The following OR10A2 variants were observed in gnomAD, a reference collection of about 807,000 sequenced individuals.
The protein encoded by OR10A2 is olfactory receptor 10A2.
Under a neutral mutation model 13.7 loss-of-function variants are expected in OR10A2, and 15 were observed. That is an observed-to-expected ratio of 1.10 (90% confidence interval 0.73 to 1.69). The LOEUF (loss-of-function observed/expected upper bound fraction) is 1.69. Among genes scored for constraint, OR10A2 ranks in the 40% most tolerant of loss-of-function variants. OR10A2 has a pLI of 0.00. For missense variants in OR10A2, 343 were observed against 361.1 expected (o/e 0.95, Z 0.41); for synonymous variants, 145 against 144.7 (o/e 1.00, Z -0.02).
intron 1 of OR10A2, among the ~76,000 whole-genome samples, chr11:6,869,402 A>C (rs1224056256): frequency 2.6e-5 from 4 of 152,214 alleles, no homozygotes; most frequent in Admixed American, 6.5e-5. Context: ...ACTTTCTCCC[A>C]AAATGTATCC....
chr11:6,870,103 T>C lies in OR10A2; in HGVS notation c.349T>C (p.Leu117=). The C allele has an allele frequency of 6.2e-7, 1 of 1,614,244 alleles. No homozygotes were observed. Among genetic ancestry groups the C allele is most frequent in the Non-Finnish European group, 8.5e-7 (1 of 1,180,058 alleles). The change falls in exon 2 of 2, where the codon TTG becomes CTG. Residue 117 remains leucine, a synonymous_variant. Transcript: ENST00000641461. Reference sequence around the variant, plus strand: ...CCGCTATGTGGCCATCTGCAGTCCCTTGCACTACCCAGTCATCATGAACCA... The same window carrying C: ...CCGCTATGTGGCCATCTGCAGTCCCCTGCACTACCCAGTCATCATGAACCA... ...YDRYVAICSP[L]HYPVIMNQRT...
At chr11:6,863,384 T>TC (rs1554928817) in intron 1 of OR10A2, 33 bp downstream of exon 1, 23 of 52,538 alleles carry the variant, frequency 4.4e-4, no homozygotes, top group South Asian at 1.3e-3. Context: ...TTTTTTTTTT[T>TC]CCACCAAGGA....
chr11:6,870,586 A>G lies in OR10A2; in HGVS notation c.832A>G (p.Ser278Gly). 6.2e-7 allele frequency: 1 copy of G among 1,614,016 alleles called. No individual in the cohort carries two copies. Among genetic ancestry groups the G allele is most frequent in the Non-Finnish European group, 8.5e-7 (1 of 1,179,938 alleles). ...TCCCATGTTGAACCCCATTATCTAC[A>G]GCCTGAGAAATAACGAGGTGAAGAA... ...MTPMLNPIIYSLRNNEVKNAL... is the reference protein window; with the variant it reads ...MTPMLNPIIYGLRNNEVKNAL... Residue 278 changes from serine to glycine, a missense_variant, in exon 2 of 2, where the codon AGC becomes GGC. Transcript: ENST00000641461.
chr11:6,870,693 C>T lies in OR10A2; in HGVS notation c.*27C>T. On this transcript the variant is annotated 3_prime_UTR_variant, in exon 2 of 2. Transcript: ENST00000641461. ...CCTTAGGAAGTAAGGCTACATTTTA[C>T]TGGATGAGAAACAATCAGTCCCAGA... 6.7e-7 allele frequency: 1 copy of T among 1,483,386 alleles called. No individual in the cohort carries two copies. The highest frequency in any genetic ancestry group is 9.1e-7 in the Non-Finnish European group (1 of 1,102,114). The allele number at this position is 1,483,386 out of a possible 1,614,324, so 91.9% of individuals were successfully genotyped here. A position where few individuals can be genotyped will look rare whatever the true frequency, so the allele number is the denominator to read the frequency against.
chr11:6,868,988 A>G (rs1848401845), intron 1 of OR10A2, among the ~76,000 whole-genome samples: 1 of 152,218 alleles, frequency 6.6e-6, no homozygotes, highest in African/African-American at 2.4e-5. Flanking sequence ...CTACAAATTA[A>G]TAAGTTAGTC....
chr11:6,863,836 G>C (rs1023659996), intron 1 of OR10A2, among the ~76,000 whole-genome samples: 5 of 152,158 alleles, frequency 3.3e-5, no homozygotes, highest in African/African-American at 1.2e-4. Context: ...ATTAGCAAAG[G>C]GATGTTCCTA....
rs750354176 is a variant in OR10A2, at chr11:6,869,971, C to T, written c.217C>T (p.Leu73Phe). Residue 73 changes from leucine (L) to phenylalanine (F), a missense_variant, in exon 2 of 2, where the codon CTT (leucine) becomes TTT (phenylalanine). Transcript: ENST00000641461. The part of the protein sequence containing the change: ...VIVPKMLGTL[L>F]AQDTTISFLG... ...TGTGCCCAAAATGCTGGGGACCCTG[C>T]TTGCCCAGGACACAACCATCTCCTT... is the stretch of plus-strand genomic sequence containing the variant. 1 of 1,614,172 alleles carries T rather than the reference C, an allele frequency of 6.2e-7. No homozygotes were observed. The highest frequency in any genetic ancestry group is 1.1e-5 in the South Asian group (1 of 91,078).
chr11:6,863,998 G>T (rs1223182072), intron 1 of OR10A2, among the ~76,000 whole-genome samples: 2 of 152,104 alleles, frequency 1.3e-5, no homozygotes, highest in African/African-American at 4.8e-5. Flanking sequence ...GCTATCATTA[G>T]TGTTAGTGCA....
chr11:6,866,644 T>A (rs1289624253), intron 1 of OR10A2, among the ~76,000 whole-genome samples: 1 of 152,202 alleles, frequency 6.6e-6, no homozygotes, highest in Admixed American at 6.5e-5. Context: ...TATATGCATT[T>A]CCCTAATGGT....
rs990437633 is a variant in OR10A2 at position 6,871,440 on chromosome 11, A to C, written c.*774A>C. 1 of 152,070 alleles carries C rather than the reference A, an allele frequency of 6.6e-6. No homozygotes were observed. The allele number at this position is 152,070 out of a possible 1,614,324, so 9.4% of individuals were successfully genotyped here. A position where few individuals can be genotyped will look rare whatever the true frequency, so the allele number is the denominator to read the frequency against. On this transcript the variant is annotated 3_prime_UTR_variant, in exon 2 of 2. Transcript: ENST00000641461. Reference sequence around the variant, plus strand: ...TCTTTCCCAACACATAACTCTCCTCACCATCTTACTTCATTCTCATGCCCT... The same window carrying C: ...TCTTTCCCAACACATAACTCTCCTCCCCATCTTACTTCATTCTCATGCCCT...
rs60582338 is a variant in OR10A2, at chr11:6,863,358, C to CTTTTTTTT, written c.-133+26_-133+33dup. The stretch of plus-strand genomic sequence containing the variant: ...ATGTTCCTGTTGGACACAGGTAAGC[C>CTTTTTTTT]TTTTTTTTTTTTTTTTTTTTTTTTT... On this transcript the variant is annotated splice_region_variant and intron_variant, in intron 1 of 1. Transcript: ENST00000641461. 1 of 89,290 alleles carries CTTTTTTTT rather than the reference C, an allele frequency of 1.1e-5. No homozygotes were observed. The highest frequency in any genetic ancestry group is 2.0e-5 in the Non-Finnish European group (1 of 49,654). 5.5% of individuals were successfully genotyped at this position (89,290 alleles called of 1,614,324 possible). A position where few individuals can be genotyped will look rare whatever the true frequency, so the allele number is the denominator to read the frequency against.
At position 6,870,920 on chromosome 11, in the gene OR10A2, G is replaced by T; in HGVS notation, c.*254G>T. 1 of 342,516 alleles carries T rather than the reference G, an allele frequency of 2.9e-6. No individual in the cohort carries two copies. Among genetic ancestry groups the T allele is most frequent in the Admixed American group, 4.3e-5 (1 of 23,314 alleles). 21.2% of individuals were successfully genotyped at this position (342,516 alleles called of 1,614,324 possible). A position where few individuals can be genotyped will look rare whatever the true frequency, so the allele number is the denominator to read the frequency against. On this transcript the variant is annotated 3_prime_UTR_variant, in exon 2 of 2. Coordinates refer to ENST00000641461, the MANE Select transcript of OR10A2 (RefSeq NM_001004460.2). ...TCAACTGGTATGACAGCACTTCTGT[G>T]GCCAACTATTTCCAGGTGTTATATT...
At position 6,872,078 on chromosome 11, in the gene OR10A2, T is replaced by G. The variant is rs1175648981; in HGVS notation, c.*1412T>G. 6.6e-6 allele frequency: 1 copy of G among 152,214 alleles called. No homozygotes were observed. Among genetic ancestry groups the G allele is most frequent in the Admixed American group, 6.5e-5 (1 of 15,286 alleles). 9.4% of individuals were successfully genotyped at this position (152,214 alleles called of 1,614,324 possible). Reference sequence around the variant, plus strand: ...ATTTAGAATTTCGATTATTTAATATTTTATAAAAACTCAATGAAATTTTAA... The same window carrying G: ...ATTTAGAATTTCGATTATTTAATATGTTATAAAAACTCAATGAAATTTTAA... On this transcript the variant is annotated 3_prime_UTR_variant, in exon 2 of 2. Transcript: ENST00000641461.
At position 6,869,974 on chromosome 11, in the gene OR10A2, G is replaced by C; in HGVS notation, c.220G>C (p.Ala74Pro). 6.2e-7 allele frequency: 1 copy of C among 1,614,156 alleles called. No individual in the cohort carries two copies. Among genetic ancestry groups the C allele is most frequent in the African/African-American group, 1.3e-5 (1 of 75,032 alleles). The change falls in exon 2 of 2, where the codon GCC (alanine) becomes CCC (proline). Residue 74 changes from alanine to proline, a missense_variant. By Grantham distance (27) the Ala-to-Pro change is conservative. Transcript: ENST00000641461. ...GCCCAAAATGCTGGGGACCCTGCTTGCCCAGGACACAACCATCTCCTTCCT... is the reference window on the plus strand; with the variant it reads ...GCCCAAAATGCTGGGGACCCTGCTTCCCCAGGACACAACCATCTCCTTCCT... ...IVPKMLGTLL[A>P]QDTTISFLGC...
At position 6,870,287 on chromosome 11, in the gene OR10A2, A is replaced by T. The variant is rs773900565; in HGVS notation, c.533A>T (p.Asp178Val). The change falls in exon 2 of 2, where the codon GAC (aspartate) becomes GTC (valine). Residue 178 changes from aspartate to valine, a missense_variant. Asp to Val is a radical substitution (Grantham distance 152). Coordinates refer to ENST00000641461, the MANE Select transcript of OR10A2 (RefSeq NM_001004460.2). ...CCTGTGCTGAGGCTGGTCTGTGCAGACACAGCACTCTTTGAGATCTACGCC... is the reference window on the plus strand; with the variant it reads ...CCTGTGCTGAGGCTGGTCTGTGCAGTCACAGCACTCTTTGAGATCTACGCC... ...SPPVLRLVCA[D>V]TALFEIYAIV... The T allele has an allele frequency of 1.9e-6, 3 of 1,614,076 alleles. No homozygotes were observed. The highest frequency in any genetic ancestry group is 2.7e-5 in the African/African-American group (2 of 74,922).
At chr11:6,865,740 T>C (rs1365500580) in intron 1 of OR10A2, among the ~76,000 whole-genome samples, 1 of 152,254 alleles carries the variant, frequency 6.6e-6, no homozygotes, top group African/African-American at 2.4e-5. Context: ...CAATTCTTTT[T>C]ATCAGTTTTT....
intron 1 of OR10A2, among the ~76,000 whole-genome samples, chr11:6,868,352 T>C (rs2133068945): frequency 6.6e-6 from 1 of 152,204 alleles, no homozygotes; most frequent in Middle Eastern, 3.4e-3. Flanking sequence ...TGAAAATGGA[T>C]TGTGCGTAAA....
At chr11:6,865,471 G>A (rs570229157) in intron 1 of OR10A2, among the ~76,000 whole-genome samples, 1 of 151,966 alleles carries the variant, frequency 6.6e-6, no homozygotes, top group South Asian at 2.1e-4. Flanking sequence ...CATTCATTCT[G>A]TTAATTATAA....
chr11:6,869,096 G>C (rs889884957), intron 1 of OR10A2, among the ~76,000 whole-genome samples: 6 of 152,184 alleles, frequency 3.9e-5, no homozygotes, highest in African/African-American at 1.4e-4. Flanking sequence ...GATCTTCCAT[G>C]TGATTTGTGT....
Sources: gnomAD v4.1 joint callset for allele counts (sites outside exome capture counted in the v4.1 genomes callset) on GRCh38, gnomAD v4.1.1 for gene constraint, MANE v1.5 for transcripts, NCBI Gene and HGNC (gene_info 2026-07-23, HGNC 2026-07-21) for gene names.